FANCC: variants seen among roughly 807,000 people sequenced by gnomAD.
The protein encoded by FANCC is FA complementation group C, also known as Fanconi anemia group C protein.
In FANCC, 55 loss-of-function variants were observed where a neutral mutation model predicts 71.3. The observed-to-expected ratio is 0.77, with a 90% CI of 0.62 to 0.97. The LOEUF is 0.97. FANCC is among the 50% of genes least tolerant of loss of function. The pLI, the probability that FANCC is intolerant of heterozygous loss-of-function variation, is 0.00. For missense variants in FANCC, 678 were observed against 670.9 expected, an observed-to-expected ratio of 1.01 and a Z score of -0.12; for synonymous variants, 275 against 244.9, an observed-to-expected ratio of 1.12 and a Z score of -1.15.
At chr9:95,115,781 G>A (rs551712117) in intron 11 of FANCC, among the ~76,000 whole-genome samples, 1 of 152,262 alleles carries the variant, frequency 6.6e-6, no homozygotes, top group South Asian at 2.1e-4. Context: ...CCTTTTGAAG[G>A]TATTTTTCGT....
chr9:95,241,901 C>G (rs2136056357), intron 3 of FANCC, among the ~76,000 whole-genome samples: 1 of 152,264 alleles, frequency 6.6e-6, no homozygotes, highest in East Asian at 1.9e-4. Context: ...CTCAAGTGAT[C>G]CTCCTGCCAT....
intron 6 of FANCC, among the ~76,000 whole-genome samples, chr9:95,162,903 T>C (rs75069725): frequency 0.015 from 2,275 of 152,344 alleles, 58 homozygotes; most frequent in African/African-American, 0.051. Context: ...TCCCATTACA[T>C]AGGCTGCTTT....
intron 1 of FANCC, among the ~76,000 whole-genome samples, chr9:95,257,295 C>T (rs927909962): frequency 2.4e-4 from 36 of 152,276 alleles, no homozygotes; most frequent in African/African-American, 8.7e-4. Context: ...GTAAAACACT[C>T]CTCAGCAAAT....
At chr9:95,122,010 A>AC (rs1324008930) in intron 10 of FANCC, among the ~76,000 whole-genome samples, 1 of 151,942 alleles carries the variant, frequency 6.6e-6, no homozygotes, top group African/African-American at 2.4e-5. Context: ...AGCGCCCACC[A>AC]CCATGCCCGG....
intron 3 of FANCC, among the ~76,000 whole-genome samples, chr9:95,241,021 T>C (rs2136051169): frequency 6.6e-6 from 1 of 152,356 alleles, no homozygotes. Context: ...TTGGGATCAC[T>C]TAACTCTTGT....
At position 95,266,697 on chromosome 9, in the gene FANCC, TAG is replaced by T. The variant is rs200315268; in HGVS notation, c.-78-17330_-78-17329del. Among the ~76,000 whole-genome samples, 1,267 of 152,338 alleles carry T rather than the reference TAG, an allele frequency of 8.3e-3. 22 individuals are homozygous for T. The highest frequency in any genetic ancestry group is 0.029 in the African/African-American group (1,206 of 41,560). On this transcript the variant is annotated intron_variant, in intron 1 of 14. Coordinates refer to ENST00000289081, the MANE Select transcript of FANCC (RefSeq NM_000136.3). ...TGAAAAATAGAAGGTGAAACCTTTG[TAG>T]AGAACCATAGCACCCTAATAAATCC...
intron 7 of FANCC, among the ~76,000 whole-genome samples, chr9:95,140,510 A>G (rs1392601614): frequency 6.6e-6 from 1 of 152,230 alleles, no homozygotes; most frequent in Non-Finnish European, 1.5e-5. Context: ...ACCAGAATGC[A>G]GAATTAAATT....
In FANCC at chr9:95,170,995, C is replaced by G. The variant is rs1389504922; in HGVS notation, c.521+84G>C. 5.1e-6 allele frequency: 5 copies of G among 971,696 alleles called. No individual in the cohort carries two copies. In the African/African-American group the frequency reaches 8.0e-5, roughly 16 times the overall value. The allele number at this position is 971,696 out of a possible 1,614,324, so 60.2% of individuals were successfully genotyped here. ...TACAACCATAACTGAACATCCATTT[C>G]CTATGAATTGTAAAATTTTCCTCTC... On this transcript the variant is annotated intron_variant, in intron 6 of 14. Transcript: ENST00000289081.
At position 95,101,035 on chromosome 9, in the gene FANCC, C is replaced by A. The variant is rs1043137022; in HGVS notation, c.*672G>T. ...TAATGTTTCTGGAACACATCCTCTA[C>A]CTTCGCCTGCCGGCTCCTCTGATGT... On this transcript the variant is annotated 3_prime_UTR_variant, in exon 15 of 15. Coordinates refer to ENST00000289081, the MANE Select transcript of FANCC (RefSeq NM_000136.3). The A allele has an allele frequency of 1.3e-5, 3 of 234,318 alleles. No homozygotes were observed. The East Asian group carries it at 1.8e-4, about 14-fold the overall frequency. The allele number at this position is 234,318 out of a possible 1,614,324, so 14.5% of individuals were successfully genotyped here. A position where few individuals can be genotyped will look rare whatever the true frequency, so the allele number is the denominator to read the frequency against.
At chr9:95,249,103 T>C (rs1831169021) in intron 2 of FANCC, 24 bp downstream of exon 2, 1 of 1,610,976 alleles carries the variant, frequency 6.2e-7, no homozygotes, top group Non-Finnish European at 8.5e-7. Context: ...GAAAATAATT[T>C]CATTATTCTG....
intron 4 of FANCC, among the ~76,000 whole-genome samples, chr9:95,203,372 C>G (rs891611585): frequency 1.3e-5 from 1 of 75,036 alleles, no homozygotes; most frequent in Admixed American, 1.8e-4. Context: ...GAACAAGACC[C>G]TGTCTCAAAA....
intron 4 of FANCC, among the ~76,000 whole-genome samples, chr9:95,199,130 T>C (rs1827645221): frequency 6.6e-6 from 1 of 152,170 alleles, no homozygotes; most frequent in African/African-American, 2.4e-5. Context: ...AAACATCTGT[T>C]ATTAAAAACC....
chr9:95,172,616 AT>A (rs1051907642), intron 4 of FANCC, among the ~76,000 whole-genome samples: 1 of 152,218 alleles, frequency 6.6e-6, no homozygotes, highest in African/African-American at 2.4e-5. Context: ...TTAGAATTTA[AT>A]ATAAGATAGA....
chr9:95,149,481 A>G (rs369381137), intron 7 of FANCC, among the ~76,000 whole-genome samples: 15 of 152,002 alleles, frequency 9.9e-5, no homozygotes, highest in East Asian at 5.8e-4. Context: ...GATCCTCAGT[A>G]ATTTTTTTTT....
chr9:95,247,652 G>A (rs917400004), intron 2 of FANCC, 136 bp from the exon 3 acceptor site: 1 of 675,842 alleles, frequency 1.5e-6, no homozygotes, highest in Non-Finnish European at 2.6e-6. Context: ...AAAAGGATTA[G>A]AGAAGATCTT....
intron 4 of FANCC, among the ~76,000 whole-genome samples, chr9:95,175,572 G>C (rs1825962248): frequency 6.6e-6 from 1 of 152,240 alleles, no homozygotes; most frequent in Admixed American, 6.5e-5. Context: ...CCAACACCAA[G>C]TGCAATCTGG....
At chr9:95,302,629 T>A (rs1834817289) in intron 1 of FANCC, among the ~76,000 whole-genome samples, 2 of 152,218 alleles carry the variant, frequency 1.3e-5, no homozygotes, top group East Asian at 3.8e-4. Context: ...TCACCAGTGC[T>A]CAGTAGAGCA....
intron 7 of FANCC, among the ~76,000 whole-genome samples, chr9:95,147,671 A>G (rs1564694830): frequency 6.6e-6 from 1 of 152,232 alleles, no homozygotes; most frequent in Non-Finnish European, 1.5e-5. Context: ...ACAGATGTTA[A>G]TGATTTACCT....
rs1163083695 is a variant in FANCC, at chr9:95,141,985, GT to G, written c.687-6484del. ...TAGTAATATGTTAACAGTTTGTGGG[GT>G]TTTTTTTTTTTTTTTTTTTTTTTGA... On this transcript the variant is annotated intron_variant, in intron 7 of 14. Coordinates refer to ENST00000289081, the MANE Select transcript of FANCC (RefSeq NM_000136.3). 8.2e-3 allele frequency among the ~76,000 whole-genome samples: 680 copies of G among 83,142 alleles called. 1 individual carries two copies. Among genetic ancestry groups the G allele is most frequent in the African/African-American group, 0.031 (643 of 20,864 alleles). 54.5% of individuals were successfully genotyped at this position (83,142 alleles called of 152,430 possible). A position where few individuals can be genotyped will look rare whatever the true frequency, so the allele number is the denominator to read the frequency against.
Sources: gnomAD v4.1 joint callset for allele counts (sites outside exome capture counted in the v4.1 genomes callset) on GRCh38, gnomAD v4.1.1 for gene constraint, MANE v1.5 for transcripts, NCBI Gene and HGNC (gene_info 2026-07-23, HGNC 2026-07-21) for gene names.